Variants in THBS4 observed in about 807,000 individuals in gnomAD.
The protein encoded by THBS4 is thrombospondin 4.
Under a neutral mutation model 115.7 loss-of-function variants are expected in THBS4, and 90 were observed. That is an observed-to-expected ratio of 0.78 (90% CI 0.66 to 0.93). The LOEUF is 0.93. Among genes scored for constraint, THBS4 ranks in the 40% least tolerant of loss-of-function variants. THBS4 has a pLI of 0.00. For missense variants in THBS4, 1,087 were observed against 1,232.7 expected (o/e 0.88, Z 1.77); for synonymous variants, 460 against 479.3 (o/e 0.96, Z 0.53).
chr5:80,018,557 G>A (rs1235231726), intron 2 of THBS4, among the ~76,000 whole-genome samples: 1 of 151,394 alleles, frequency 6.6e-6, no homozygotes, highest in African/African-American at 2.4e-5. Context: ...ACCACACCCG[G>A]CTAATTTTTG....
intron 13 of THBS4, 127 bp downstream of exon 13, chr5:80,071,307 C>T: frequency 6.9e-7 from 1 of 1,452,194 alleles, no homozygotes; most frequent in Non-Finnish European, 9.0e-7. Context: ...TTGTGGCCTG[C>T]ATCTGGAAGA....
At chr5:80,034,196 T>C (rs1832641663), upstream of THBS4, among the ~76,000 whole-genome samples, 1 of 152,216 alleles carries the variant, frequency 6.6e-6, no homozygotes, top group Admixed American at 6.5e-5. Flanking sequence ...TAATGTGGCA[T>C]TAAAGGAACC....
At chr5:80,017,460 A>C (rs564411933) in intron 2 of THBS4, among the ~76,000 whole-genome samples, 1 of 152,180 alleles carries the variant, frequency 6.6e-6, no homozygotes, top group South Asian at 2.1e-4. Context: ...TAACCCAAAT[A>C]TTTTAATATT....
At chr5:80,042,782 A>G (rs1281957339) in intron 2 of THBS4, among the ~76,000 whole-genome samples, 1 of 152,148 alleles carries the variant, frequency 6.6e-6, no homozygotes, top group Non-Finnish European at 1.5e-5. Flanking sequence ...CATGGCCAAC[A>G]TGGAGAAACC....
chr5:80,035,395 C>A lies in THBS4; in HGVS notation c.-143C>A. 2.8e-6 allele frequency: 1 copy of A among 358,632 alleles called. No individual in the cohort carries two copies. Among genetic ancestry groups the A allele is most frequent in the East Asian group, 6.4e-5 (1 of 15,592 alleles). The allele number at this position is 358,632 out of a possible 1,614,324, so 22.2% of individuals were successfully genotyped here. ...CACGGCGGGGACGCGAGCGCGCCCC[C>A]GACGGCAGCCCGGACGCCGAGCACG... On this transcript the variant is annotated 5_prime_UTR_variant, in exon 1 of 22. Coordinates refer to ENST00000350881, the MANE Select transcript of THBS4 (RefSeq NM_003248.6). The surrounding 1 kb of genome is among the most constrained non-coding windows in gnomAD (Gnocchi z 4.6).
intron 15 of THBS4, chr5:80,075,133 C>A (rs1053316483): frequency 6.6e-6 from 1 of 152,134 alleles, no homozygotes; most frequent in Non-Finnish European, 1.5e-5. Flanking sequence ...TATTATACTG[C>A]ATTGGTTTCT....
chr5:80,045,951 T>C (rs572563500), intron 2 of THBS4, among the ~76,000 whole-genome samples: 1 of 152,346 alleles, frequency 6.6e-6, no homozygotes, highest in East Asian at 1.9e-4. Context: ...AGTGGTCATG[T>C]GCAGAAGATG....
chr5:80,004,930 G>A (rs1229087444), intron 2 of THBS4, among the ~76,000 whole-genome samples: 2 of 151,892 alleles, frequency 1.3e-5, no homozygotes, highest in Non-Finnish European at 2.9e-5. Context: ...TAGAGAGGGG[G>A]TTTCGCCATG....
chr5:80,074,417 A>G (rs1743084673), intron 15 of THBS4: 1 of 152,210 alleles, frequency 6.6e-6, no homozygotes. Context: ...GGCACCTGCA[A>G]CCCAAGGTTC....
chr5:80,002,197 CA>C (rs1392030393), intron 2 of THBS4, among the ~76,000 whole-genome samples: 2 of 152,146 alleles, frequency 1.3e-5, no homozygotes, highest in African/African-American at 4.8e-5. Context: ...GGGTACCCTA[CA>C]ACAGGCGTTT....
intron 2 of THBS4, among the ~76,000 whole-genome samples, chr5:80,028,832 C>G (rs1051409035): frequency 2.0e-5 from 3 of 152,132 alleles, no homozygotes; most frequent in Non-Finnish European, 4.4e-5. Context: ...CTACTAGGCT[C>G]TTAATACTAG....
intron 1 of THBS4, among the ~76,000 whole-genome samples, chr5:79,995,951 A>G (rs1179370308): frequency 6.8e-6 from 1 of 147,092 alleles, no homozygotes; most frequent in African/African-American, 2.5e-5. Flanking sequence ...CCTGGCCAAC[A>G]TGGTAAAACA....
At chr5:80,022,997 A>G (rs531311055) in intron 2 of THBS4, among the ~76,000 whole-genome samples, 3 of 152,174 alleles carry the variant, frequency 2.0e-5, no homozygotes, top group African/African-American at 7.2e-5. Context: ...ATAACTGAGT[A>G]GGTTATCATC....
At chr5:80,076,128 A>G (rs563720298) in intron 15 of THBS4, 1 of 152,458 alleles carries the variant, frequency 6.6e-6, no homozygotes, top group African/African-American at 2.4e-5. Flanking sequence ...GTGGACAGAG[A>G]AGGAGAGTTC....
intron 16 of THBS4, among the ~76,000 whole-genome samples, chr5:80,077,824 A>C (rs1743289306): frequency 6.6e-6 from 1 of 151,926 alleles, no homozygotes; most frequent in Admixed American, 6.6e-5. Context: ...CTTTCAAAAA[A>C]CTCTGGGAGG....
chr5:80,012,366 T>A (rs1288775586), intron 2 of THBS4, among the ~76,000 whole-genome samples: 1 of 152,110 alleles, frequency 6.6e-6, no homozygotes, highest in African/African-American at 2.4e-5. Context: ...TGACACTGTA[T>A]GAGGTAGTGT....
chr5:79,995,987 A>AT (rs1831784990), intron 1 of THBS4, among the ~76,000 whole-genome samples: 1 of 150,892 alleles, frequency 6.6e-6, no homozygotes, highest in Non-Finnish European at 1.5e-5. Context: ...AAAAAAAAAA[A>AT]TTAGCTGGAT....
intron 1 of THBS4, among the ~76,000 whole-genome samples, chr5:79,995,985 A>AAC (rs1831784594): frequency 6.6e-6 from 1 of 151,308 alleles, no homozygotes; most frequent in Non-Finnish European, 1.5e-5. Context: ...AAAAAAAAAA[A>AAC]AATTAGCTGG....
intron 2 of THBS4, among the ~76,000 whole-genome samples, chr5:80,012,263 G>A (rs1832142268): frequency 6.6e-6 from 1 of 152,136 alleles, no homozygotes; most frequent in Middle Eastern, 3.2e-3. Context: ...ACCAGGGATT[G>A]GAAACTAACA....
Sources: allele counts gnomAD v4.1 joint callset (sites outside exome capture counted in the v4.1 genomes callset), GRCh38; gene constraint gnomAD v4.1.1; non-coding constraint Gnocchi (gnomAD v3.1); transcripts MANE v1.5; gene names NCBI Gene and HGNC (gene_info 2026-07-23, HGNC 2026-07-21).